VPS13C: variants seen among roughly 807,000 people sequenced by gnomAD.
VPS13C encodes intermembrane lipid transfer protein VPS13C.
Under a neutral mutation model 456.8 loss-of-function variants are expected in VPS13C, and 358 were observed. The observed-to-expected ratio is 0.78, with a 90% CI of 0.72 to 0.86. The LOEUF is 0.86. Ranked by LOEUF, VPS13C falls within the 40% of genes least tolerant of loss-of-function variation. The pLI is 0.00. For missense variants in VPS13C, 4,818 were observed against 4,385.4 expected, an observed-to-expected ratio of 1.10 and a Z score of -2.79; for synonymous variants, 1,578 against 1,486.7, an observed-to-expected ratio of 1.06 and a Z score of -1.41.
chr15:61,909,872 C>A (rs898719763), intron 64 of VPS13C, among the ~76,000 whole-genome samples: 2 of 149,348 alleles, frequency 1.3e-5, no homozygotes, highest in African/African-American at 4.9e-5. Flanking sequence ...CAAACTATGG[C>A]AAGGACAAAA....
At chr15:61,933,005 A>G (rs937324879) in intron 49 of VPS13C, among the ~76,000 whole-genome samples, 30 of 152,232 alleles carry the variant, frequency 2.0e-4, no homozygotes, top group Non-Finnish European at 2.9e-4. Flanking sequence ...AGTTGTGCCA[A>G]TATCTAGGAT....
At chr15:61,897,989 A>G (rs2140101182) in intron 66 of VPS13C, among the ~76,000 whole-genome samples, 1 of 152,336 alleles carries the variant, frequency 6.6e-6, no homozygotes, top group Admixed American at 6.5e-5. Context: ...AGAATTTCAT[A>G]TCCAGCCAAA....
chr15:61,888,246 G>A (rs1443284264), intron 67 of VPS13C, among the ~76,000 whole-genome samples: 1 of 152,144 alleles, frequency 6.6e-6, no homozygotes, highest in Non-Finnish European at 1.5e-5. Context: ...TTGCTAGTGG[G>A]AATGCAAAAA....
intron 54 of VPS13C, 34 bp downstream of exon 54, chr15:61,922,363 A>G (rs764767358): frequency 1.1e-5 from 17 of 1,567,828 alleles, no homozygotes; most frequent in Non-Finnish European, 1.4e-5. Flanking sequence ...CACTTTCAAG[A>G]AGTCTCTGAA....
chr15:62,001,271 C>T (rs1034277398), intron 15 of VPS13C, among the ~76,000 whole-genome samples: 1 of 152,184 alleles, frequency 6.6e-6, no homozygotes, highest in African/African-American at 2.4e-5. Context: ...CAGAAGGACA[C>T]TTGGTAAATA....
At chr15:62,052,361 T>C (rs1476302876) in intron 1 of VPS13C, among the ~76,000 whole-genome samples, 1 of 152,148 alleles carries the variant, frequency 6.6e-6, no homozygotes, top group Non-Finnish European at 1.5e-5. Flanking sequence ...AATCAAATTA[T>C]TTTAATGATT....
At position 61,881,692 on chromosome 15, in the gene VPS13C, C is replaced by T. The variant is rs1895866808; in HGVS notation, c.9706+55G>A. On this transcript the variant is annotated intron_variant, in intron 70 of 84. Coordinates refer to ENST00000644861, the MANE Select transcript of VPS13C (RefSeq NM_020821.3). ...TGCTTTATACTAGGTTAAACTAATG[C>T]CTATTTAACTTTTATAAATAAGGTA... is the stretch of plus-strand genomic sequence containing the variant. 6.9e-6 allele frequency: 11 copies of T among 1,598,120 alleles called. No individual in the cohort carries two copies. In the Admixed American group the frequency reaches 1.8e-4, roughly 25 times the overall value.
intron 66 of VPS13C, among the ~76,000 whole-genome samples, chr15:61,898,032 C>T (rs1303253315): frequency 3.3e-5 from 5 of 152,022 alleles, no homozygotes; most frequent in Admixed American, 6.6e-5. Context: ...AAATAAAATA[C>T]TTTACAGACA....
intron 64 of VPS13C, among the ~76,000 whole-genome samples, chr15:61,909,844 G>A (rs1256571730): frequency 6.6e-6 from 1 of 151,878 alleles, no homozygotes. Context: ...TAGCGCCGCT[G>A]GAAACCATCA....
In VPS13C at chr15:61,911,999, A is replaced by G. The variant is rs367670183; in HGVS notation, c.8556T>C (p.Gly2852=). 7 of 1,590,102 alleles carry G rather than the reference A, an allele frequency of 4.4e-6. No individual in the cohort carries two copies. The highest frequency in any genetic ancestry group is 5.1e-6 in the Non-Finnish European group (6 of 1,167,878). ...TGAAACTGCTCATTTTGATGCTAAC[A>G]CCAACCTGTGGAAAGGAAAAAAGCT... is the stretch of plus-strand genomic sequence containing the variant. ...CPANNMEYLV[G]VSIKMSSFNL... The change falls in exon 63 of 85, where the codon GGT becomes GGC. Residue 2852 remains glycine, a synonymous_variant. Transcript: ENST00000644861.
chr15:61,974,496 A>C, intron 24 of VPS13C, 79 bp from the exon 25 acceptor site: 2 of 1,451,484 alleles, frequency 1.4e-6, no homozygotes, highest in Non-Finnish European at 1.9e-6. Context: ...ATGTAATTAG[A>C]TTAAAACATG....
intron 53 of VPS13C, among the ~76,000 whole-genome samples, chr15:61,923,921 A>C (rs2043750472): frequency 8.8e-6 from 1 of 113,104 alleles, no homozygotes; most frequent in Non-Finnish European, 1.7e-5. Flanking sequence ...GCTGGAGTGC[A>C]GTGGCGGGAT....
chr15:61,856,531 T>TAAA, intron 82 of VPS13C, 122 bp from the exon 83 acceptor site: 1 of 909,638 alleles, frequency 1.1e-6, no homozygotes, highest in Non-Finnish European at 1.5e-6. Context: ...AAACTGGCAC[T>TAAA]AAAAAAAAAA....
At chr15:61,901,958 T>G (rs2043012067) in intron 66 of VPS13C, among the ~76,000 whole-genome samples, 1 of 152,002 alleles carries the variant, frequency 6.6e-6, no homozygotes, top group Non-Finnish European at 1.5e-5. Flanking sequence ...TCATGTCCTT[T>G]GTAGGGACAT....
chr15:61,860,732 A>T (rs779812963), intron 82 of VPS13C, among the ~76,000 whole-genome samples: 2 of 152,224 alleles, frequency 1.3e-5, no homozygotes, highest in East Asian at 1.9e-4. Context: ...TTTTTTGTAC[A>T]TAGTTTTCGT....
chr15:61,866,138 G>A (rs11638951), intron 81 of VPS13C: 131,142 of 984,438 alleles, frequency 0.13, 9,442 homozygotes, highest in Admixed American at 0.17. Context: ...ACAGCAAGAT[G>A]GGCAAAGAAT....
Position 61,963,699 on chromosome 15 carries a change from G to A in VPS13C, c.3331+136C>T, listed in dbSNP as rs576771801. Reference sequence around the variant, plus strand: ...AATATCTATATCCCAAATAGAGGAAGCATACAATCCAATTACGTCTTTTCA... The same window carrying A: ...AATATCTATATCCCAAATAGAGGAAACATACAATCCAATTACGTCTTTTCA... On this transcript the variant is annotated intron_variant, in intron 32 of 84. Transcript: ENST00000644861. 1.2e-4 allele frequency: 78 copies of A among 639,100 alleles called. No individual in the cohort carries two copies. The African/African-American group carries it at 1.4e-3, about 11-fold the overall frequency. The allele number at this position is 639,100 out of a possible 1,614,324, so 39.6% of individuals were successfully genotyped here. A position where few individuals can be genotyped will look rare whatever the true frequency, so the allele number is the denominator to read the frequency against.
Position 61,951,900 on chromosome 15 carries a change from T to G in VPS13C, c.4380A>C (p.Glu1460Asp), listed in dbSNP as rs963813767. 4.3e-6 allele frequency: 7 copies of G among 1,613,904 alleles called. No homozygotes were observed. Among genetic ancestry groups the G allele is most frequent in the Non-Finnish European group, 5.9e-6 (7 of 1,179,902 alleles). ...HELNVLQLGM[E>D]AKVKTYDMTA... ...TCATGTCATAGGTTTTAACTTTAGC[T>G]TCCATTCCAAGTTGCAGGACATTTA... The change falls in exon 39 of 85, where the codon GAA becomes GAC. Residue 1460 changes from glutamate (E) to aspartate (D), a missense_variant. Physicochemically the swap from Glu to Asp is conservative, Grantham distance 45. Coordinates refer to ENST00000644861, the MANE Select transcript of VPS13C (RefSeq NM_020821.3).
chr15:61,981,583 G>C, intron 21 of VPS13C, 105 bp from the exon 22 acceptor site: 1 of 1,218,952 alleles, frequency 8.2e-7, no homozygotes. Context: ...ATTACAGGTC[G>C]GGTGCGGTGG....
Sources: gnomAD v4.1 joint callset for allele counts (sites outside exome capture counted in the v4.1 genomes callset) on GRCh38, gnomAD v4.1.1 for gene constraint, MANE v1.5 for transcripts, NCBI Gene and HGNC (gene_info 2026-07-23, HGNC 2026-07-21) for gene names.